Variants in GATAD2B observed in about 807,000 individuals in gnomAD.
GATAD2B encodes the protein transcriptional repressor p66-beta.
GATAD2B carries 8 observed loss-of-function variants against 64.3 expected under a neutral mutation model. The observed-to-expected ratio is 0.12, with a 90% CI of 0.07 to 0.22. The LOEUF is 0.22. Ranked by LOEUF, GATAD2B falls within the 10% of genes least tolerant of loss-of-function variation. The pLI, the probability that GATAD2B is intolerant of heterozygous loss-of-function variation, is 1.00. For synonymous variants in GATAD2B, 281 were observed against 271.3 expected, an observed-to-expected ratio of 1.04 and a Z score of -0.35; for missense variants, 453 against 752.0, an observed-to-expected ratio of 0.60 and a Z score of 4.65.
Position 153,816,667 on chromosome 1 carries a change from G to T in GATAD2B, c.901-79C>A. The T allele has an allele frequency of 1.1e-6, 1 of 920,054 alleles. No homozygotes were observed. The highest frequency in any genetic ancestry group is 1.7e-6 in the Non-Finnish European group (1 of 593,542). The allele number at this position is 920,054 out of a possible 1,614,324, so 57.0% of individuals were successfully genotyped here. A position where few individuals can be genotyped will look rare whatever the true frequency, so the allele number is the denominator to read the frequency against. The stretch of plus-strand genomic sequence containing the variant: ...TCTTACGTTCTTGGCAGAGGACACT[G>T]TCTGATCCTGGTTTGGACTACTTAG... On this transcript the variant is annotated intron_variant, in intron 6 of 10. Transcript: ENST00000368655. This position sits in a 1 kb window ranked among gnomAD's most constrained non-coding sequence, Gnocchi z 4.9.
intron 1 of GATAD2B, among the ~76,000 whole-genome samples, chr1:153,891,574 TAA>T (rs1163572311): frequency 0.031 from 621 of 19,922 alleles, 21 homozygotes; most frequent in African/African-American, 0.11. Flanking sequence ...CTGTCTCGTT[TAA>T]AAAAAAAAAA....
chr1:153,887,538 GAGA>G (rs751110866), intron 1 of GATAD2B, among the ~76,000 whole-genome samples: 2 of 152,160 alleles, frequency 1.3e-5, no homozygotes, highest in South Asian at 2.1e-4. Context: ...CACAAGAAAT[GAGA>G]ACAAGACTTC....
chr1:153,865,069 C>A (rs1292522226), intron 1 of GATAD2B, among the ~76,000 whole-genome samples: 3 of 150,792 alleles, frequency 2.0e-5, no homozygotes, highest in African/African-American at 4.9e-5. Context: ...CACTCCATTT[C>A]AAAAAAAATA....
At chr1:153,870,528 G>A (rs192340216) in intron 1 of GATAD2B, among the ~76,000 whole-genome samples, 38 of 152,148 alleles carry the variant, frequency 2.5e-4, no homozygotes, top group African/African-American at 8.2e-4. Flanking sequence ...AGCAGAGATC[G>A]CGTCACTGCA....
intron 1 of GATAD2B, among the ~76,000 whole-genome samples, chr1:153,922,313 T>G (rs1678470877): frequency 5.8e-5 from 7 of 119,962 alleles, no homozygotes; most frequent in South Asian, 5.3e-4. Flanking sequence ...GGGGGCGCGC[T>G]AGAGAGGAAA....
chr1:153,889,413 C>CAAAAAAAAA (rs71093299), intron 1 of GATAD2B, among the ~76,000 whole-genome samples: 5 of 67,858 alleles, frequency 7.4e-5, no homozygotes, highest in Non-Finnish European at 1.1e-4. Flanking sequence ...ACCCCGTCTC[C>CAAAAAAAAA]AAAAAAAAAA....
At chr1:153,894,433 A>C (rs1240951148) in intron 1 of GATAD2B, among the ~76,000 whole-genome samples, 1 of 151,776 alleles carries the variant, frequency 6.6e-6, no homozygotes, top group Non-Finnish European at 1.5e-5. Flanking sequence ...GTGCCGCCGC[A>C]CTCCAGCATG....
intron 1 of GATAD2B, among the ~76,000 whole-genome samples, chr1:153,904,417 G>C (rs1215380557): frequency 6.6e-6 from 1 of 152,044 alleles, no homozygotes; most frequent in African/African-American, 2.4e-5. Context: ...TGACAAGAAA[G>C]TTTTCACTCT....
chr1:153,890,673 C>T (rs1430787837), intron 1 of GATAD2B: 3 of 152,080 alleles, frequency 2.0e-5, no homozygotes, highest in Admixed American at 6.6e-5. Flanking sequence ...ATTGGTCATC[C>T]TCACCAACTG....
At chr1:153,915,741 T>TAAA (rs56236211) in intron 1 of GATAD2B, among the ~76,000 whole-genome samples, 34 of 98,024 alleles carry the variant, frequency 3.5e-4, no homozygotes, top group East Asian at 8.5e-4. Flanking sequence ...CTTGTCTATA[T>TAAA]AAAAAAAAAA....
intron 1 of GATAD2B, among the ~76,000 whole-genome samples, chr1:153,893,977 A>AT (rs1677502391): frequency 3.3e-5 from 5 of 150,812 alleles, no homozygotes; most frequent in African/African-American, 1.2e-4. Flanking sequence ...AAAAAAAAAA[A>AT]AAAAACCCAA....
At position 153,817,492 on chromosome 1, in the gene GATAD2B, C is replaced by T; in HGVS notation, c.780G>A (p.Leu260=). 1 of 1,612,628 alleles carries T rather than the reference C, an allele frequency of 6.2e-7. No homozygotes were observed. Among genetic ancestry groups the T allele is most frequent in the Non-Finnish European group, 8.5e-7 (1 of 1,179,494 alleles). ...TTGGTGCAATAACACGTTGAGACATCAACATGTGTGGAAGGGTGGTATTGG... is the reference window on the plus strand; with the variant it reads ...TTGGTGCAATAACACGTTGAGACATTAACATGTGTGGAAGGGTGGTATTGG... ...SATNTTLPHM[L]MSQRVIAPNP... Residue 260 remains leucine (L), a synonymous_variant, in exon 6 of 11, where the codon TTG becomes TTA. Transcript: ENST00000368655.
Position 153,851,028 on chromosome 1 carries a change from TAC to T in GATAD2B, c.-1-22682_-1-22681del, listed in dbSNP as rs149918775. Among the ~76,000 whole-genome samples the T allele has an allele frequency of 1.3e-3, 198 of 152,258 alleles. 5 individuals are homozygous for T. In the East Asian group the frequency reaches 0.028, roughly 22 times the overall value. On this transcript the variant is annotated intron_variant, in intron 1 of 10. Coordinates refer to ENST00000368655, the MANE Select transcript of GATAD2B (RefSeq NM_020699.4). The stretch of plus-strand genomic sequence containing the variant: ...ACAATACATTAATGTTGACTATAGG[TAC>T]AGTGTTGTATGGCAGATCTCTAGAG...
At chr1:153,916,284 A>G (rs1014122872) in intron 1 of GATAD2B, among the ~76,000 whole-genome samples, 2 of 151,766 alleles carry the variant, frequency 1.3e-5, no homozygotes, top group African/African-American at 4.8e-5. Context: ...CAAGAAAAAA[A>G]AAAAAAAAAG....
At chr1:153,851,492 A>C (rs568900402) in intron 1 of GATAD2B, among the ~76,000 whole-genome samples, 27 of 152,224 alleles carry the variant, frequency 1.8e-4, no homozygotes, top group African/African-American at 6.5e-4. Flanking sequence ...TGAAGTGATG[A>C]TATTTCATTG....
At position 153,818,848 on chromosome 1, in the gene GATAD2B, C is replaced by T; in HGVS notation, c.540G>A (p.Leu180=). 1.9e-6 allele frequency: 3 copies of T among 1,613,452 alleles called. No individual in the cohort carries two copies. The highest frequency in any genetic ancestry group is 1.1e-5 in the South Asian group (1 of 91,074). ...RDELRLEEAR[L]VLLKKLRQSQ... ...TCTGTCTCAGTTTCTTTAACAGGAC[C>T]AGTCGGGCTTCTTCCAATCGTAGCT... is the stretch of plus-strand genomic sequence containing the variant. Residue 180 remains leucine, a synonymous_variant, in exon 4 of 11, where the codon CTG becomes CTA. Coordinates refer to ENST00000368655, the MANE Select transcript of GATAD2B (RefSeq NM_020699.4).
chr1:153,823,856 A>C (rs760921814), intron 2 of GATAD2B, among the ~76,000 whole-genome samples: 11 of 151,870 alleles, frequency 7.2e-5, no homozygotes, highest in Non-Finnish European at 1.2e-4. Context: ...CAGCCTTCCA[A>C]GTAGCTAGGA....
intron 1 of GATAD2B, among the ~76,000 whole-genome samples, chr1:153,881,281 G>A (rs1481540834): frequency 6.6e-6 from 1 of 152,144 alleles, no homozygotes; most frequent in Non-Finnish European, 1.5e-5. Context: ...GAGAGGGTAA[G>A]GGGGAGGCTA....
chr1:153,873,305 A>C (rs1339100899), intron 1 of GATAD2B, among the ~76,000 whole-genome samples: 1 of 152,044 alleles, frequency 6.6e-6, no homozygotes, highest in East Asian at 1.9e-4. Context: ...CTTGACAGCA[A>C]ATCTCTCTTC....
Sources: allele counts gnomAD v4.1 joint callset (sites outside exome capture counted in the v4.1 genomes callset), GRCh38; gene constraint gnomAD v4.1.1; non-coding constraint Gnocchi (gnomAD v3.1); transcripts MANE v1.5; gene names NCBI Gene and HGNC (gene_info 2026-07-23, HGNC 2026-07-21).